The following TMEM94 variants were observed in gnomAD, a reference collection of about 807,000 sequenced individuals.
TMEM94 encodes ER Mg2+ ATPase.
Under a neutral mutation model 158.6 loss-of-function variants are expected in TMEM94, and 81 were observed. The ratio of observed to expected loss-of-function variants is 0.51; its 90% CI spans 0.43 to 0.61. The LOEUF is 0.61. Among genes scored for constraint, TMEM94 ranks in the 20% least tolerant of loss-of-function variants. TMEM94 has a pLI of 0.00. For synonymous variants in TMEM94, 751 were observed against 730.7 expected (o/e 1.03, Z -0.45); for missense variants, 1,435 against 1,762.0 (o/e 0.81, Z 3.32).
At position 75,485,539 on chromosome 17, in the gene TMEM94, A is replaced by G. The variant is rs764147134; in HGVS notation, c.136A>G (p.Thr46Ala). Residue 46 changes from threonine to alanine, a missense_variant, in exon 3 of 32, where the codon ACG becomes GCG. Transcript: ENST00000314256. This position sits in a 1 kb window ranked among gnomAD's most constrained non-coding sequence, Gnocchi z 5.5. Reference protein sequence around the residue: ...GHLRERKKCLTWKEVWRSSFL... With the variant: ...GHLRERKKCLAWKEVWRSSFL... The stretch of plus-strand genomic sequence containing the variant: ...TCTCAGGGAGCGGAAGAAGTGTCTG[A>G]CGTGGAAGGTGAAGCTTCTTCTCGG... 6.2e-7 allele frequency: 1 copy of G among 1,614,090 alleles called. No individual in the cohort carries two copies. Among genetic ancestry groups the G allele is most frequent in the South Asian group, 1.1e-5 (1 of 91,070 alleles).
At chr17:75,466,692 C>T (rs1222299120) in intron 1 of TMEM94, among the ~76,000 whole-genome samples, 1 of 151,986 alleles carries the variant, frequency 6.6e-6, no homozygotes, top group East Asian at 1.9e-4. Context: ...GTGGTGGACA[C>T]CTGTAATCCC....
rs2052384815 is a variant in TMEM94, at chr17:75,493,355, G to A, written c.2087-136G>A. On this transcript the variant is annotated intron_variant, in intron 16 of 31. Coordinates refer to ENST00000314256, the MANE Select transcript of TMEM94 (RefSeq NM_014738.6). Reference sequence around the variant, plus strand: ...CCCAGTGGCATTGCAGAGCCTTGCTGTCCGTGAGTCCCAGGGAGTCTCCTC... The same window carrying A: ...CCCAGTGGCATTGCAGAGCCTTGCTATCCGTGAGTCCCAGGGAGTCTCCTC... 4.3e-6 allele frequency: 4 copies of A among 921,400 alleles called. No homozygotes were observed. In the East Asian group the frequency reaches 7.8e-5, roughly 18 times the overall value. The allele number at this position is 921,400 out of a possible 1,614,324, so 57.1% of individuals were successfully genotyped here.
Position 75,487,837 on chromosome 17 carries a change from A to C in TMEM94, c.410-95A>C. On this transcript the variant is annotated intron_variant, in intron 5 of 31. Coordinates refer to ENST00000314256, the MANE Select transcript of TMEM94 (RefSeq NM_014738.6). This position sits in a 1 kb window ranked among gnomAD's most constrained non-coding sequence, Gnocchi z 4.6. The stretch of plus-strand genomic sequence containing the variant: ...TTGACGCAGACCTCCTGGGAGAGGA[A>C]GTGGGCAGACAGTGCTTCCGGAAGT... 1.0e-6 allele frequency: 1 copy of C among 993,398 alleles called. No homozygotes were observed. The highest frequency in any genetic ancestry group is 1.6e-6 in the Non-Finnish European group (1 of 640,758). The allele number at this position is 993,398 out of a possible 1,614,324, so 61.5% of individuals were successfully genotyped here.
chr17:75,490,112 T>C (rs1460929373), intron 9 of TMEM94, 122 bp from the exon 10 acceptor site: 2 of 1,355,838 alleles, frequency 1.5e-6, no homozygotes, highest in Non-Finnish European at 2.0e-6. Flanking sequence ...TTTCCCTTCC[T>C]GCCCCTGAGA....
chr17:75,464,603 TTTCCTTCCTTTCTTTCTTTCCTTCCTTCC>T (rs1281140749), intron 1 of TMEM94, among the ~76,000 whole-genome samples: 27 of 57,958 alleles, frequency 4.7e-4, no homozygotes, highest in African/African-American at 1.4e-3. Flanking sequence ...TCTTTCTTTC[TTTCCTTCCTTTCTTTCTTTCCTTCCTTCC>T]TTCCTTCCTT....
intron 2 of TMEM94, among the ~76,000 whole-genome samples, chr17:75,477,538 C>T (rs2050772505): frequency 6.6e-6 from 1 of 152,120 alleles, no homozygotes; most frequent in Admixed American, 6.5e-5. Flanking sequence ...CATGAGCCAC[C>T]ATGCCCAGCC....
At chr17:75,493,970 G>A (rs961737222) in intron 18 of TMEM94, 54 bp downstream of exon 18, 18 of 1,547,522 alleles carry the variant, frequency 1.2e-5, no homozygotes, top group South Asian at 8.0e-5. Context: ...CTGGGCTGCC[G>A]AAGCCCAGGA....
In TMEM94 at chr17:75,490,734, C is replaced by G; in HGVS notation, c.1104C>G (p.Ser368Arg). Residue 368 changes from serine (S) to arginine (R), a missense_variant, in exon 11 of 32, where the codon AGC becomes AGG. Ser to Arg is a moderately radical substitution (Grantham distance 110). Coordinates refer to ENST00000314256, the MANE Select transcript of TMEM94 (RefSeq NM_014738.6). ...LAKFSEDTLS[S>R]YTEAVSSQEM... ...AGTTCTCAGAGGATACTCTCAGCAG[C>G]TATACGGAGGCTGTCTCCTCTCAGG... is the stretch of plus-strand genomic sequence containing the variant. The G allele has an allele frequency of 6.2e-7, 1 of 1,614,130 alleles. No homozygotes were observed. Among genetic ancestry groups the G allele is most frequent in the South Asian group, 1.1e-5 (1 of 91,080 alleles).
intron 1 of TMEM94, among the ~76,000 whole-genome samples, chr17:75,462,091 A>G (rs375145380): frequency 4.2e-4 from 57 of 134,552 alleles, no homozygotes; most frequent in African/African-American, 1.4e-3. Flanking sequence ...GCTCACTGCA[A>G]CCTCTGCCTC....
chr17:75,470,682 G>A (rs761286944), intron 1 of TMEM94, among the ~76,000 whole-genome samples: 51 of 151,676 alleles, frequency 3.4e-4, no homozygotes, highest in Non-Finnish European at 6.2e-4. Flanking sequence ...TCCAGCCTGG[G>A]CGACAGAGCG....
chr17:75,471,813 G>A lies in TMEM94; in HGVS notation c.-93G>A. ...CTTTTTCCCCAGATGTTGTGACTGT[G>A]ACAGACTCACTGGGGTTTGTACATG... On this transcript the variant is annotated 5_prime_UTR_variant, in exon 2 of 32. Coordinates refer to ENST00000314256, the MANE Select transcript of TMEM94 (RefSeq NM_014738.6). 7.7e-7 allele frequency: 1 copy of A among 1,298,968 alleles called. No individual in the cohort carries two copies. The highest frequency in any genetic ancestry group is 1.7e-5 in the Admixed American group (1 of 57,572). 80.5% of individuals were successfully genotyped at this position (1,298,968 alleles called of 1,614,324 possible).
rs775642857 is a variant in TMEM94, at chr17:75,492,440, C to G, written c.1597-34C>G. On this transcript the variant is annotated intron_variant, in intron 14 of 31. Coordinates refer to ENST00000314256, the MANE Select transcript of TMEM94 (RefSeq NM_014738.6). The surrounding 1 kb of genome is among the most constrained non-coding windows in gnomAD (Gnocchi z 4.4). Reference sequence around the variant, plus strand: ...CAGTGCTGGCTTCCCCACACCCTATCCCGGGCTGAGGCTCTCCTCCACATT... The same window carrying G: ...CAGTGCTGGCTTCCCCACACCCTATGCCGGGCTGAGGCTCTCCTCCACATT... 3 of 1,552,436 alleles carry G rather than the reference C, an allele frequency of 1.9e-6. No individual in the cohort carries two copies. Among genetic ancestry groups the G allele is most frequent in the Admixed American group, 1.8e-5 (1 of 55,440 alleles).
intron 10 of TMEM94, 116 bp downstream of exon 10, chr17:75,490,466 C>T: frequency 8.2e-7 from 1 of 1,225,406 alleles, no homozygotes; most frequent in Non-Finnish European, 1.1e-6. Context: ...GTTGGTCAGC[C>T]TGGGCAGCTC....
Position 75,498,497 on chromosome 17 carries a change from C to A in TMEM94, c.3692C>A (p.Ser1231Ter). 1 of 1,594,776 alleles carries A rather than the reference C, an allele frequency of 6.3e-7. No homozygotes were observed. The highest frequency in any genetic ancestry group is 8.6e-7 in the Non-Finnish European group (1 of 1,169,476). The change falls in exon 29 of 32, where the codon TCG (serine) becomes TAG (stop). Residue 1231 changes from serine to a stop codon, truncating the protein, a stop_gained. Coordinates refer to ENST00000314256, the MANE Select transcript of TMEM94 (RefSeq NM_014738.6). LOFTEE classifies it high-confidence loss of function. This position sits in a 1 kb window ranked among gnomAD's most constrained non-coding sequence, Gnocchi z 6.7. ...GAGGACTTTGCCAATGGACTGCTGT[C>A]GGCTCAGAAGCTCACGGCCGCCCTG... ...WFEDFANGLLSAQKLTAALIV... is the reference protein window; with the variant it reads ...WFEDFANGLL
intron 1 of TMEM94, among the ~76,000 whole-genome samples, chr17:75,469,808 A>G (rs2050431933): frequency 1.3e-5 from 2 of 151,936 alleles, no homozygotes; most frequent in African/African-American, 4.8e-5. Flanking sequence ...GTGATAATAA[A>G]TAAAAATGCC....
chr17:75,491,514 C>A lies in TMEM94; in HGVS notation c.1386+59C>A. The A allele has an allele frequency of 6.2e-7, 1 of 1,611,408 alleles. No individual in the cohort carries two copies. The highest frequency in any genetic ancestry group is 2.2e-5 in the East Asian group (1 of 44,854). On this transcript the variant is annotated intron_variant, in intron 13 of 31. Transcript: ENST00000314256. The surrounding 1 kb of genome is among the most constrained non-coding windows in gnomAD (Gnocchi z 5.1). The stretch of plus-strand genomic sequence containing the variant: ...CCGACTCTGGGCCAGGCTGTTTAGC[C>A]TTGGAGCCTGGCCAGGGAGGGTGAG...
At chr17:75,463,038 ATATATATATATATATATATAT>A (rs2050144110) in intron 1 of TMEM94, among the ~76,000 whole-genome samples, 2 of 1,776 alleles carry the variant, frequency 1.1e-3, no homozygotes, top group Non-Finnish European at 9.2e-4. Flanking sequence ...AAAAAAAAAA[ATATATATATATATATATATAT>A]ATATATATAT....
chr17:75,498,977 T>C lies in TMEM94; in HGVS notation c.3893T>C (p.Val1298Ala), dbSNP rs1201171240. 2.5e-6 allele frequency: 4 copies of C among 1,598,424 alleles called. No individual in the cohort carries two copies. The highest frequency in any genetic ancestry group is 3.4e-6 in the Non-Finnish European group (4 of 1,173,022). The change falls in exon 31 of 32, where the codon GTC becomes GCC. Residue 1298 changes from valine to alanine, a missense_variant. Physicochemically the swap from Val to Ala is moderately conservative, Grantham distance 64. This residue lies in a region of TMEM94 where 335 missense variants were observed against 409.1 expected (regional missense o/e 0.82). Coordinates refer to ENST00000314256, the MANE Select transcript of TMEM94 (RefSeq NM_014738.6). The surrounding 1 kb of genome is among the most constrained non-coding windows in gnomAD (Gnocchi z 6.7). ...CTGTGGACACACAGGGACAGCCACG[T>C]CCACTTTGGCCTGGAGGACGTGCCC... ...LQLWTHRDSH[V>A]HFGLEDVPLL...
Position 75,495,744 on chromosome 17 carries a change from C to T in TMEM94, c.2944+101C>T. On this transcript the variant is annotated intron_variant, in intron 22 of 31. Transcript: ENST00000314256. The surrounding 1 kb of genome is among the most constrained non-coding windows in gnomAD (Gnocchi z 5.6). ...GGGCTCTGGAGGGATGTAGGTTTCCCATGCAGGGAGTAAAGGAACCTGGGC... is the reference window on the plus strand; with the variant it reads ...GGGCTCTGGAGGGATGTAGGTTTCCTATGCAGGGAGTAAAGGAACCTGGGC... 1.7e-6 allele frequency: 2 copies of T among 1,171,594 alleles called. No individual in the cohort carries two copies. Among genetic ancestry groups the T allele is most frequent in the Admixed American group, 1.9e-5 (1 of 52,470 alleles). 72.6% of individuals were successfully genotyped at this position (1,171,594 alleles called of 1,614,324 possible).
Sources: allele counts gnomAD v4.1 joint callset (sites outside exome capture counted in the v4.1 genomes callset), GRCh38; gene constraint gnomAD v4.1.1; regional missense constraint gnomAD v4.1.1; non-coding constraint Gnocchi (gnomAD v3.1); transcripts MANE v1.5; gene names NCBI Gene and HGNC (gene_info 2026-07-23, HGNC 2026-07-21).